The following TXNL1 variants were observed in gnomAD, a reference collection of about 807,000 sequenced individuals.
TXNL1 encodes the protein thioredoxin-like protein 1.
TXNL1 carries 14 observed loss-of-function variants against 35.5 expected under a neutral mutation model. The ratio of observed to expected loss-of-function variants is 0.39; its 90% CI spans 0.26 to 0.62. The LOEUF is 0.62. Among genes scored for constraint, TXNL1 ranks in the 20% least tolerant of loss-of-function variants. The pLI is 0.47. For missense variants in TXNL1, 263 were observed against 349.7 expected (o/e 0.75, Z 1.98); for synonymous variants, 110 against 115.5 (o/e 0.95, Z 0.31).
chr18:56,611,033 C>G lies in TXNL1; in HGVS notation c.800G>C (p.Gly267Ala). Residue 267 changes from glycine to alanine, a missense_variant, in exon 7 of 8, where the codon GGT becomes GCT. Physicochemically the swap from Gly to Ala is moderately conservative, Grantham distance 60 (BLOSUM62 0). Transcript: ENST00000217515. ...CATATTTGTTGCCTGGACTGGAGTA[C>G]CAATAAAAGTAAAATATGAAATTCT... ...TTRISYFTFIGTPVQATNMND... is the reference protein window; with the variant it reads ...TTRISYFTFIATPVQATNMND... The G allele has an allele frequency of 6.2e-7, 1 of 1,607,588 alleles. No individual in the cohort carries two copies. The highest frequency in any genetic ancestry group is 8.5e-7 in the Non-Finnish European group (1 of 1,177,828).
intron 1 of TXNL1, among the ~76,000 whole-genome samples, chr18:56,635,935 T>C (rs1347524246): frequency 6.6e-6 from 1 of 152,208 alleles, no homozygotes; most frequent in Non-Finnish European, 1.5e-5. Context: ...TGTAAATAGT[T>C]GTTATACTGT....
chr18:56,606,469 C>T (rs1174412517), intron 7 of TXNL1, among the ~76,000 whole-genome samples: 4 of 152,182 alleles, frequency 2.6e-5, no homozygotes, highest in African/African-American at 4.8e-5. Context: ...CCACATGTGA[C>T]TTGTCCTTGA....
chr18:56,626,717 G>A (rs576206198), intron 1 of TXNL1, among the ~76,000 whole-genome samples: 8 of 145,692 alleles, frequency 5.5e-5, no homozygotes, highest in South Asian at 2.2e-4. Context: ...GGCTGGTCTC[G>A]AACTCCTGAC....
chr18:56,631,920 CAAAA>C (rs539527338), intron 1 of TXNL1, among the ~76,000 whole-genome samples: 1 of 71,408 alleles, frequency 1.4e-5, no homozygotes, highest in Non-Finnish European at 3.0e-5. Context: ...AACTCTGTCT[CAAAA>C]AAAAAAAAAA....
Position 56,602,049 on chromosome 18 carries a change from C to T in TXNL1, c.*978G>A, listed in dbSNP as rs1378084835. On this transcript the variant is annotated 3_prime_UTR_variant, in exon 8 of 8. Transcript: ENST00000217515. ...TTTGGAGACGGAGTTTTGCTCTTGTCGCTCAGGCTGGGGCGCAATGGCGCA... is the reference window on the plus strand; with the variant it reads ...TTTGGAGACGGAGTTTTGCTCTTGTTGCTCAGGCTGGGGCGCAATGGCGCA... 1.3e-5 allele frequency: 2 copies of T among 151,810 alleles called. No homozygotes were observed. Among genetic ancestry groups the T allele is most frequent in the Non-Finnish European group, 2.9e-5 (2 of 68,008 alleles). The allele number at this position is 151,810 out of a possible 1,614,324, so 9.4% of individuals were successfully genotyped here.
intron 1 of TXNL1, among the ~76,000 whole-genome samples, chr18:56,637,195 T>C (rs537448121): frequency 6.6e-6 from 1 of 152,328 alleles, no homozygotes; most frequent in South Asian, 2.1e-4. Context: ...TAAAACGATA[T>C]AATCCTAATG....
rs1216344705 is a variant in TXNL1 at position 56,638,325 on chromosome 18, G to A, written c.98+18C>T. The A allele has an allele frequency of 3.7e-6, 6 of 1,601,964 alleles. No homozygotes were observed. The South Asian group carries it at 6.7e-5, about 18-fold the overall frequency. On this transcript the variant is annotated intron_variant, in intron 1 of 7. Coordinates refer to ENST00000217515, the MANE Select transcript of TXNL1 (RefSeq NM_004786.3). ...GGAAGGACAGACGGGGACCCACAGA[G>A]CTCGAGCCTGGCCTCACCCTCTCAT... is the stretch of plus-strand genomic sequence containing the variant.
rs2024118687 is a variant in TXNL1 at position 56,618,027 on chromosome 18, A to G, written c.469T>C (p.Leu157=). 2 of 1,614,058 alleles carry G rather than the reference A, an allele frequency of 1.2e-6. No homozygotes were observed. The highest frequency in any genetic ancestry group is 1.7e-6 in the Non-Finnish European group (2 of 1,179,964). ...DNCLRKDTTF[L]ESDCDEQLLI... ...ACCTGTTCATCACAGTCAGATTCCAAGAAGGTTGTGTCTTTTCGTAAACAG... is the reference window on the plus strand; with the variant it reads ...ACCTGTTCATCACAGTCAGATTCCAGGAAGGTTGTGTCTTTTCGTAAACAG... Residue 157 remains leucine, a synonymous_variant, in exon 4 of 8, where the codon TTG becomes CTG. Transcript: ENST00000217515.
In TXNL1 at chr18:56,618,088, T is replaced by G; in HGVS notation, c.408A>C (p.Glu136Asp). The G allele has an allele frequency of 6.2e-7, 1 of 1,613,962 alleles. No homozygotes were observed. The highest frequency in any genetic ancestry group is 8.5e-7 in the Non-Finnish European group (1 of 1,179,934). Residue 136 changes from glutamate (E) to aspartate (D), a missense_variant, in exon 4 of 8, where the codon GAA (glutamate) becomes GAC (aspartate). Glu to Asp is a conservative substitution (Grantham distance 45, BLOSUM62 2). Coordinates refer to ENST00000217515, the MANE Select transcript of TXNL1 (RefSeq NM_004786.3). ...LMPFINKAGC[E>D]CLNESDEHGF... The stretch of plus-strand genomic sequence containing the variant: ...CATGCTCATCACTTTCATTAAGACA[T>G]TCACAACCAGCTTTGTTAATAAAAG...
At position 56,634,279 on chromosome 18, in the gene TXNL1, A is replaced by G. The variant is rs192476983; in HGVS notation, c.98+4064T>C. On this transcript the variant is annotated intron_variant, in intron 1 of 7. Coordinates refer to ENST00000217515, the MANE Select transcript of TXNL1 (RefSeq NM_004786.3). ...GGCTCTGTGCAGATACACAGAGATG[A>G]ACGTGCATTTCTTTTCTCCTTAGGC... Among the ~76,000 whole-genome samples, 9 of 152,332 alleles carry G rather than the reference A, an allele frequency of 5.9e-5. No homozygotes were observed. In the East Asian group the frequency reaches 1.7e-3, roughly 29 times the overall value.
chr18:56,634,770 A>G (rs747311776), intron 1 of TXNL1, among the ~76,000 whole-genome samples: 15 of 152,238 alleles, frequency 9.9e-5, no homozygotes, highest in Admixed American at 2.0e-4. Context: ...TTTCTTGAAT[A>G]TGACACCAAA....
chr18:56,631,640 C>T lies in TXNL1; in HGVS notation c.99-5183G>A, dbSNP rs149523311. 5.4e-3 allele frequency among the ~76,000 whole-genome samples: 821 copies of T among 152,212 alleles called. 3 individuals carry two copies. The highest frequency in any genetic ancestry group is 8.6e-3 in the Non-Finnish European group (587 of 68,016). ...CAATGTATAAAGAAATAAACCCAGC[C>T]GGGCGCAGTGGCTCACGCCTGTAAT... On this transcript the variant is annotated intron_variant, in intron 1 of 7. Transcript: ENST00000217515.
intron 6 of TXNL1, 35 bp from the exon 7 acceptor site, chr18:56,611,132 C>A (rs776513025): frequency 1.5e-6 from 2 of 1,324,526 alleles, no homozygotes; most frequent in South Asian, 1.3e-5. Context: ...TAATTACAAT[C>A]CTTCTTCACA....
chr18:56,627,095 T>C (rs1392185020), intron 1 of TXNL1, among the ~76,000 whole-genome samples: 1 of 151,956 alleles, frequency 6.6e-6, no homozygotes, highest in African/African-American at 2.4e-5. Flanking sequence ...ATTACAGGCA[T>C]GAACCATAAC....
At chr18:56,609,294 A>G (rs2023952846) in intron 7 of TXNL1, 1 of 152,184 alleles carries the variant, frequency 6.6e-6, no homozygotes, top group Admixed American at 6.5e-5. Flanking sequence ...CTCTCAAACA[A>G]AAAAGGTCTT....
At chr18:56,635,551 C>A (rs2024442878) in intron 1 of TXNL1, among the ~76,000 whole-genome samples, 1 of 152,136 alleles carries the variant, frequency 6.6e-6, no homozygotes, top group Non-Finnish European at 1.5e-5. Flanking sequence ...TTAGGTGCCA[C>A]AAATTGACAA....
At chr18:56,632,956 G>A (rs962117139) in intron 1 of TXNL1, among the ~76,000 whole-genome samples, 3 of 152,006 alleles carry the variant, frequency 2.0e-5, no homozygotes, top group East Asian at 3.9e-4. Context: ...GTAATTTTGC[G>A]GTATGTAATT....
At chr18:56,637,996 A>C (rs2024483695) in intron 1 of TXNL1, among the ~76,000 whole-genome samples, 1 of 152,234 alleles carries the variant, frequency 6.6e-6, no homozygotes, top group East Asian at 1.9e-4. Context: ...TGCAGAAAGA[A>C]GGGGTCAGGC....
rs537224250 is a variant in TXNL1 at position 56,603,526 on chromosome 18, A to G, written c.841-470T>C. Reference sequence around the variant, plus strand: ...ATACACTGACATGCAATGAAAACAGATTAAAAGTGACTAATTTTTTCTGGT... The same window carrying G: ...ATACACTGACATGCAATGAAAACAGGTTAAAAGTGACTAATTTTTTCTGGT... On this transcript the variant is annotated intron_variant, in intron 7 of 7. Transcript: ENST00000217515. Among the ~76,000 whole-genome samples the G allele has an allele frequency of 2.4e-3, 361 of 152,252 alleles. 2 individuals are homozygous for G. The highest frequency in any genetic ancestry group is 8.4e-3 in the African/African-American group (348 of 41,568).
Sources: allele counts gnomAD v4.1 joint callset (sites outside exome capture counted in the v4.1 genomes callset), GRCh38; gene constraint gnomAD v4.1.1; transcripts MANE v1.5; gene names NCBI Gene and HGNC (gene_info 2026-07-23, HGNC 2026-07-21).